SUSD4: variants seen among roughly 807,000 people sequenced by gnomAD.
SUSD4 encodes sushi domain containing 4.
SUSD4 carries 41 observed loss-of-function variants against 50.5 expected under a neutral mutation model. The observed-to-expected ratio is 0.81, with a 90% confidence interval of 0.63 to 1.05. The LOEUF is 1.05. Among genes scored for constraint, SUSD4 ranks in the 50% least tolerant of loss-of-function variants. SUSD4 has a pLI of 0.00. For synonymous variants in SUSD4, 257 were observed against 257.3 expected, an observed-to-expected ratio of 1.00 and a Z score of 0.01; for missense variants, 580 against 634.7, an observed-to-expected ratio of 0.91 and a Z score of 0.93.
chr1:223,273,238 C>T (rs1663035883), intron 3 of SUSD4, among the ~76,000 whole-genome samples: 1 of 152,152 alleles, frequency 6.6e-6, no homozygotes, highest in Non-Finnish European at 1.5e-5. Context: ...AGGGGAGGGA[C>T]AGGCCAGATC....
At chr1:223,282,344 C>T (rs1213690826) in intron 3 of SUSD4, among the ~76,000 whole-genome samples, 6 of 152,134 alleles carry the variant, frequency 3.9e-5, no homozygotes, top group East Asian at 1.9e-4. Flanking sequence ...AAAACCCCAT[C>T]GTCTCAGCCC....
intron 2 of SUSD4, among the ~76,000 whole-genome samples, chr1:223,308,696 G>A (rs1049010160): frequency 1.3e-5 from 2 of 152,176 alleles, no homozygotes; most frequent in African/African-American, 2.4e-5. Context: ...ACCAAAAAAT[G>A]TAAACAACTG....
chr1:223,224,895 A>T (rs190994471), intron 7 of SUSD4, among the ~76,000 whole-genome samples: 13 of 101,410 alleles, frequency 1.3e-4, no homozygotes, highest in Non-Finnish European at 1.9e-4. Flanking sequence ...TTTGAGATAG[A>T]GTCTCACTCT....
At chr1:223,354,094 C>T (rs549109016) in intron 2 of SUSD4, among the ~76,000 whole-genome samples, 50 of 152,040 alleles carry the variant, frequency 3.3e-4, no homozygotes, top group Non-Finnish European at 6.0e-4. Flanking sequence ...AGCTGAGCCT[C>T]GGACAGCTCT....
intron 2 of SUSD4, among the ~76,000 whole-genome samples, chr1:223,317,851 C>CT (rs1172641015): frequency 0.15 from 15,219 of 100,640 alleles, 1,179 homozygotes; most frequent in South Asian, 0.24. Context: ...TTTTTTTTTT[C>CT]TTTTTTTTTT....
intron 2 of SUSD4, among the ~76,000 whole-genome samples, chr1:223,293,130 G>T (rs546072336): frequency 6.6e-6 from 1 of 152,042 alleles, no homozygotes; most frequent in South Asian, 2.1e-4. Flanking sequence ...ACTGGAAGAC[G>T]GCAGCGTGTG....
chr1:223,300,207 A>G (rs1665093416), intron 2 of SUSD4, among the ~76,000 whole-genome samples: 1 of 152,150 alleles, frequency 6.6e-6, no homozygotes, highest in Non-Finnish European at 1.5e-5. Flanking sequence ...CATCACCGTC[A>G]CTGGCACCCA....
intron 2 of SUSD4, among the ~76,000 whole-genome samples, chr1:223,343,870 C>T (rs1424607064): frequency 6.6e-6 from 1 of 152,172 alleles, no homozygotes. Context: ...CTCCCTGACC[C>T]TTCTCCACCC....
intron 5 of SUSD4, among the ~76,000 whole-genome samples, chr1:223,252,229 A>AT (rs1558183132): frequency 7.7e-4 from 53 of 68,666 alleles, no homozygotes; most frequent in African/African-American, 2.1e-3. Flanking sequence ...TAAAAAAAAA[A>AT]AAAAAAAATA....
intron 2 of SUSD4, among the ~76,000 whole-genome samples, chr1:223,300,628 T>C (rs930704067): frequency 6.6e-6 from 1 of 151,784 alleles, no homozygotes; most frequent in Non-Finnish European, 1.5e-5. Flanking sequence ...TGTAAACTGC[T>C]ATATGAGGCT....
chr1:223,228,033 T>G (rs943236668), intron 6 of SUSD4, among the ~76,000 whole-genome samples: 2 of 152,206 alleles, frequency 1.3e-5, no homozygotes, highest in African/African-American at 4.8e-5. Context: ...TGCATCTGCC[T>G]CTTGAGAACA....
intron 5 of SUSD4, among the ~76,000 whole-genome samples, chr1:223,239,547 G>T (rs1337353126): frequency 6.6e-6 from 1 of 151,962 alleles, no homozygotes; most frequent in African/African-American, 2.4e-5. Flanking sequence ...TTTAGTGGTT[G>T]CCTTAGAGTT....
intron 7 of SUSD4, among the ~76,000 whole-genome samples, chr1:223,225,102 T>C (rs1659426808): frequency 6.6e-6 from 1 of 151,968 alleles, no homozygotes. Context: ...ACTCCTGACC[T>C]CAGGTGATCC....
chr1:223,237,305 T>C (rs1660284967), intron 5 of SUSD4, among the ~76,000 whole-genome samples: 1 of 152,038 alleles, frequency 6.6e-6, no homozygotes. Context: ...AAAAGATAGT[T>C]TTATTTCTTT....
intron 5 of SUSD4, among the ~76,000 whole-genome samples, chr1:223,241,106 G>A (rs568540845): frequency 6.6e-6 from 1 of 152,276 alleles, no homozygotes; most frequent in East Asian, 1.9e-4. Context: ...CCCTTCCTCC[G>A]AGTCAGTTGG....
intron 4 of SUSD4, among the ~76,000 whole-genome samples, chr1:223,268,047 A>G (rs1187251950): frequency 3.3e-5 from 2 of 59,710 alleles, no homozygotes; most frequent in African/African-American, 1.0e-4. Flanking sequence ...ATATATACAC[A>G]CACACTGTTA....
At chr1:223,252,234 A>T (rs202145219) in intron 5 of SUSD4, among the ~76,000 whole-genome samples, 17,200 of 72,918 alleles carry the variant, frequency 0.24, 1,086 homozygotes, top group East Asian at 0.29. Flanking sequence ...AAAAAAAAAA[A>T]AAATATATAT....
rs1246397810 is a variant in SUSD4, at chr1:223,231,266, A to G, written c.725-1878T>C. On this transcript the variant is annotated intron_variant, in intron 5 of 8. Transcript: ENST00000366878. The surrounding 1 kb of genome is among the most constrained non-coding windows in gnomAD (Gnocchi z 4.2). ...CAAAGCCAGTGGGGAGCCAGGTGAC[A>G]AGGGGGTCTGGGAAACAGGGTCTGC... Among the ~76,000 whole-genome samples, 1 of 152,052 alleles carries G rather than the reference A, an allele frequency of 6.6e-6. No homozygotes were observed. The highest frequency in any genetic ancestry group is 1.5e-5 in the Non-Finnish European group (1 of 67,968).
intron 2 of SUSD4, among the ~76,000 whole-genome samples, chr1:223,351,426 T>A (rs921931177): frequency 6.6e-6 from 1 of 152,220 alleles, no homozygotes; most frequent in South Asian, 2.1e-4. Flanking sequence ...AAAGGCTCCA[T>A]GCAAACCCTG....
Sources: allele counts gnomAD v4.1 joint callset (sites outside exome capture counted in the v4.1 genomes callset), GRCh38; gene constraint gnomAD v4.1.1; non-coding constraint Gnocchi (gnomAD v3.1); transcripts MANE v1.5; gene names NCBI Gene and HGNC (gene_info 2026-07-23, HGNC 2026-07-21).